Variants in TULP3 observed in about 807,000 individuals in gnomAD.
TULP3 encodes tubby-related protein 3.
Under a neutral mutation model 50.7 loss-of-function variants are expected in TULP3, and 38 were observed. The observed-to-expected ratio is 0.75, with a 90% CI of 0.58 to 0.98. The LOEUF (loss-of-function observed/expected upper bound fraction) is 0.98. Ranked by LOEUF, TULP3 falls within the 50% of genes least tolerant of loss-of-function variation. The pLI is 0.00. For missense variants in TULP3, 550 were observed against 568.0 expected (o/e 0.97, Z 0.32); for synonymous variants, 183 against 196.6 (o/e 0.93, Z 0.58).
At chr12:2,895,946 T>A (rs2098175341) in intron 1 of TULP3, among the ~76,000 whole-genome samples, 1 of 151,388 alleles carries the variant, frequency 6.6e-6, no homozygotes, top group Non-Finnish European at 1.5e-5. Flanking sequence ...GAGAATACTT[T>A]TTTTTTTTTT....
intron 2 of TULP3, among the ~76,000 whole-genome samples, chr12:2,913,043 C>T (rs987030876): frequency 1.3e-5 from 2 of 151,710 alleles, no homozygotes; most frequent in African/African-American, 4.8e-5. Context: ...ACGATCTCGG[C>T]TCACTGCAAC....
chr12:2,935,420 A>T (rs1376292004), intron 8 of TULP3, among the ~76,000 whole-genome samples: 1 of 152,160 alleles, frequency 6.6e-6, no homozygotes, highest in East Asian at 1.9e-4. Flanking sequence ...AACCGTTTCC[A>T]CCAGTTTGTA....
chr12:2,931,570 G>A (rs995427364), intron 6 of TULP3, among the ~76,000 whole-genome samples: 21 of 152,024 alleles, frequency 1.4e-4, no homozygotes, highest in African/African-American at 3.4e-4. Flanking sequence ...TTTTTATTAC[G>A]GAAGAACATG....
At chr12:2,899,709 C>T (rs542949512) in intron 1 of TULP3, among the ~76,000 whole-genome samples, 13 of 151,880 alleles carry the variant, frequency 8.6e-5, no homozygotes, top group South Asian at 4.2e-4. Flanking sequence ...CTGGCTAACA[C>T]AGTGAAACCC....
chr12:2,909,761 G>A (rs2098184397), intron 2 of TULP3, among the ~76,000 whole-genome samples, 181 bp downstream of exon 2: 1 of 152,144 alleles, frequency 6.6e-6, no homozygotes, highest in African/African-American at 2.4e-5. Context: ...TCTGGCTATG[G>A]CAAGACCAAA....
chr12:2,918,688 C>G (rs990583944), intron 2 of TULP3, among the ~76,000 whole-genome samples: 1 of 151,438 alleles, frequency 6.6e-6, no homozygotes, highest in African/African-American at 2.4e-5. Flanking sequence ...TACAGGCATG[C>G]GCCGCCACAT....
At chr12:2,928,069 CAA>C (rs1279984083) in intron 4 of TULP3, among the ~76,000 whole-genome samples, 1 of 152,092 alleles carries the variant, frequency 6.6e-6, no homozygotes, top group African/African-American at 2.4e-5. Context: ...CAATAGAAAA[CAA>C]AAAGACTATC....
Position 2,890,908 on chromosome 12 carries a change from G to T in TULP3, c.-40G>T. 1.9e-6 allele frequency: 3 copies of T among 1,562,888 alleles called. No homozygotes were observed. The highest frequency in any genetic ancestry group is 2.6e-6 in the Non-Finnish European group (3 of 1,154,004). On this transcript the variant is annotated 5_prime_UTR_variant, in exon 1 of 11. Transcript: ENST00000448120. ...GCCTAGCCACTCTAGCGACGGCGGG[G>T]AAGAGTGTGTACGTGGTGGGGGCTT...
intron 8 of TULP3, among the ~76,000 whole-genome samples, chr12:2,936,681 G>A (rs34304225): frequency 0.2 from 30,713 of 151,816 alleles, 3,191 homozygotes; most frequent in South Asian, 0.26. Flanking sequence ...CCCGGGAGGC[G>A]GAGGTTGTGG....
intron 1 of TULP3, among the ~76,000 whole-genome samples, chr12:2,893,950 C>G (rs2098173851): frequency 6.6e-6 from 1 of 151,902 alleles, no homozygotes; most frequent in African/African-American, 2.4e-5. Context: ...GGCCTATTTT[C>G]TTATATCAGA....
At chr12:2,913,936 A>C (rs1161829994) in intron 2 of TULP3, among the ~76,000 whole-genome samples, 1 of 151,962 alleles carries the variant, frequency 6.6e-6, no homozygotes, top group African/African-American at 2.4e-5. Context: ...AAACTGACGT[A>C]TAATAATTGT....
intron 1 of TULP3, 25 bp from the exon 2 acceptor site, chr12:2,909,504 G>C: frequency 3.9e-6 from 6 of 1,519,668 alleles, no homozygotes; most frequent in Non-Finnish European, 5.3e-6. Context: ...TTATATACTT[G>C]CTTTATTTTT....
At chr12:2,898,959 A>G (rs2153947782) in intron 1 of TULP3, among the ~76,000 whole-genome samples, 1 of 152,280 alleles carries the variant, frequency 6.6e-6, no homozygotes, top group Non-Finnish European at 1.5e-5. Flanking sequence ...GATGACAGGC[A>G]TGAGTCACTG....
chr12:2,919,794 A>G (rs567833858), intron 2 of TULP3, among the ~76,000 whole-genome samples: 1 of 150,718 alleles, frequency 6.6e-6, no homozygotes, highest in African/African-American at 2.4e-5. Context: ...TTGTTTCCTG[A>G]CTTTTCTTGC....
chr12:2,917,501 G>A lies in TULP3; in HGVS notation c.94-3262G>A, dbSNP rs369039149. Among the ~76,000 whole-genome samples, 9 of 150,852 alleles carry A rather than the reference G, an allele frequency of 6.0e-5. No individual in the cohort carries two copies. In the East Asian group the frequency reaches 1.6e-3, roughly 27 times the overall value. On this transcript the variant is annotated intron_variant, in intron 2 of 10. Coordinates refer to ENST00000448120, the MANE Select transcript of TULP3 (RefSeq NM_003324.5). ...AAAAAAAAAGATACTTCTCTTTCTTGGACAAACCTGATAACCCTATCAAAT... is the reference window on the plus strand; with the variant it reads ...AAAAAAAAAGATACTTCTCTTTCTTAGACAAACCTGATAACCCTATCAAAT...
intron 1 of TULP3, among the ~76,000 whole-genome samples, chr12:2,903,929 G>A (rs1277331265): frequency 6.6e-6 from 1 of 151,426 alleles, no homozygotes; most frequent in Non-Finnish European, 1.5e-5. Context: ...GATTACAGGC[G>A]CCCACCACCA....
intron 1 of TULP3, among the ~76,000 whole-genome samples, chr12:2,896,159 T>C (rs142640729): frequency 0.012 from 1,770 of 152,202 alleles, 38 homozygotes; most frequent in African/African-American, 0.04. Flanking sequence ...AAACTGGTCT[T>C]GAACTCCTGA....
intron 1 of TULP3, among the ~76,000 whole-genome samples, chr12:2,906,681 C>T (rs1032901199): frequency 4.6e-5 from 7 of 150,740 alleles, no homozygotes; most frequent in Admixed American, 6.6e-5. Flanking sequence ...TTTTGGAGGC[C>T]GAGGTGGGTG....
intron 1 of TULP3, among the ~76,000 whole-genome samples, chr12:2,892,263 C>CT (rs554716409): frequency 6.7e-5 from 10 of 148,742 alleles, no homozygotes; most frequent in South Asian, 2.1e-4. Flanking sequence ...GTTCACTGTG[C>CT]TTTTTTTTTT....
Sources: gnomAD v4.1 joint callset for allele counts (sites outside exome capture counted in the v4.1 genomes callset) on GRCh38, gnomAD v4.1.1 for gene constraint, MANE v1.5 for transcripts, NCBI Gene and HGNC (gene_info 2026-07-23, HGNC 2026-07-21) for gene names.